Variants in BSN observed in about 807,000 individuals in gnomAD.
BSN encodes bassoon presynaptic cytomatrix protein.
BSN carries 57 observed loss-of-function variants against 264.8 expected under a neutral mutation model. The observed-to-expected ratio is 0.22, with a 90% confidence interval of 0.17 to 0.27. BSN has a LOEUF of 0.27. Ranked by LOEUF, BSN falls within the 10% of genes least tolerant of loss-of-function variation. The pLI is 1.00. For missense variants in BSN, 4,615 were observed against 5,232.5 expected, an observed-to-expected ratio of 0.88 and a Z score of 3.64; for synonymous variants, 2,059 against 2,137.3, an observed-to-expected ratio of 0.96 and a Z score of 1.01.
intron 1 of BSN, among the ~76,000 whole-genome samples, chr3:49,598,378 A>G (rs2052042070): frequency 6.6e-6 from 1 of 152,190 alleles, no homozygotes. Context: ...TTTTCCCTGA[A>G]GTGTGTAACT....
chr3:49,653,521 CCTT>C lies in BSN; in HGVS notation c.3968_3970del (p.Phe1323del). ...CCCACCCAGCTCGCTGCCCCTGTGT[CCTT>C]CTCTACCCCCACCTCCTCAGACAGC... On this transcript the variant is annotated inframe_deletion, in exon 5 of 12. Transcript: ENST00000296452. This position sits in a 1 kb window ranked among gnomAD's most constrained non-coding sequence, Gnocchi z 6.3. The C allele has an allele frequency of 1.2e-6, 2 of 1,613,952 alleles. No homozygotes were observed. The highest frequency in any genetic ancestry group is 4.5e-5 in the East Asian group (2 of 44,882).
intron 1 of BSN, among the ~76,000 whole-genome samples, chr3:49,571,113 A>C (rs185004387): frequency 1.3e-5 from 2 of 152,338 alleles, no homozygotes; most frequent in African/African-American, 4.8e-5. Context: ...TTTTGAAAAG[A>C]TAGTAACAGT....
At position 49,625,233 on chromosome 3, in the gene BSN, CG is replaced by C; in HGVS notation, c.484del (p.Ala162ProfsTer51). The C allele has an allele frequency of 6.3e-7, 1 of 1,589,808 alleles. No homozygotes were observed. Among genetic ancestry groups the C allele is most frequent in the Non-Finnish European group, 8.6e-7 (1 of 1,168,816 alleles). ...PTSPYSVPQI[A>X]PLPSSTLCPI... ...CATCACCCTACTCCGTCCCTCAGATCGCCCCCCTTCCCAGCAGCACGCTGTG... is the reference window on the plus strand; with the variant it reads ...CATCACCCTACTCCGTCCCTCAGATCCCCCCCTTCCCAGCAGCACGCTGTG... On this transcript the variant is annotated frameshift_variant, in exon 2 of 12. Transcript: ENST00000296452. LOFTEE classifies it high-confidence loss of function. This position sits in a 1 kb window ranked among gnomAD's most constrained non-coding sequence, Gnocchi z 4.4.
At chr3:49,604,409 G>A (rs2052095051) in intron 1 of BSN, among the ~76,000 whole-genome samples, 1 of 152,034 alleles carries the variant, frequency 6.6e-6, no homozygotes, top group South Asian at 2.1e-4. Flanking sequence ...TACTGTTTTA[G>A]TTTCTATCTC....
chr3:49,615,802 C>T (rs531526787), intron 1 of BSN, among the ~76,000 whole-genome samples: 2 of 152,310 alleles, frequency 1.3e-5, no homozygotes, highest in East Asian at 3.9e-4. Flanking sequence ...GACCTAAGTA[C>T]ACTTTCCATG....
chr3:49,596,891 T>G (rs1177264296), intron 1 of BSN, among the ~76,000 whole-genome samples: 3 of 152,202 alleles, frequency 2.0e-5, no homozygotes, highest in Non-Finnish European at 4.4e-5. Context: ...ACTTTTTCTG[T>G]GTCAGTTGAT....
intron 6 of BSN, 122 bp downstream of exon 6, chr3:49,662,684 C>T: frequency 7.3e-7 from 1 of 1,368,126 alleles, no homozygotes; most frequent in Non-Finnish European, 9.5e-7. Flanking sequence ...CTGGTGGGCC[C>T]TGCTGCAGGC....
In BSN at chr3:49,662,337, C is replaced by G; in HGVS notation, c.10492C>G (p.Arg3498Gly). 3 of 1,613,544 alleles carry G rather than the reference C, an allele frequency of 1.9e-6. No homozygotes were observed. The highest frequency in any genetic ancestry group is 1.7e-4 in the Middle Eastern group (1 of 6,048). The change falls in exon 6 of 12, where the codon CGG becomes GGG. Residue 3498 changes from arginine to glycine, a missense_variant. Coordinates refer to ENST00000296452, the MANE Select transcript of BSN (RefSeq NM_003458.4). ...MAHSRVRPPMRSQASEEESPV... is the reference protein window; with the variant it reads ...MAHSRVRPPMGSQASEEESPV... Reference sequence around the variant, plus strand: ...CCACAGCCGGGTACGACCCCCCATGCGGAGCCAGGCCTCTGAAGAGGAGAG... The same window carrying G: ...CCACAGCCGGGTACGACCCCCCATGGGGAGCCAGGCCTCTGAAGAGGAGAG...
chr3:49,579,963 A>G (rs2051882457), intron 1 of BSN, among the ~76,000 whole-genome samples: 1 of 152,150 alleles, frequency 6.6e-6, no homozygotes, highest in South Asian at 2.1e-4. Flanking sequence ...TGGTTATTAT[A>G]TTAAATCCTT....
chr3:49,568,531 A>G (rs1398172650), intron 1 of BSN, among the ~76,000 whole-genome samples: 1 of 152,172 alleles, frequency 6.6e-6, no homozygotes, highest in Non-Finnish European at 1.5e-5. Flanking sequence ...ATATTTGTTT[A>G]CCTTTCTTTT....
intron 1 of BSN, among the ~76,000 whole-genome samples, chr3:49,555,282 A>G (rs1179525973): frequency 6.6e-6 from 1 of 152,236 alleles, no homozygotes; most frequent in African/African-American, 2.4e-5. Context: ...CGAGGAACAG[A>G]GAGATGAAAA....
Position 49,670,843 on chromosome 3 carries a change from T to C in BSN, c.*3358T>C, listed in dbSNP as rs1424839147. 6.6e-6 allele frequency: 1 copy of C among 152,280 alleles called. No homozygotes were observed. Among genetic ancestry groups the C allele is most frequent in the Non-Finnish European group, 1.5e-5 (1 of 68,060 alleles). 9.4% of individuals were successfully genotyped at this position (152,280 alleles called of 1,614,324 possible). On this transcript the variant is annotated 3_prime_UTR_variant, in exon 12 of 12. Coordinates refer to ENST00000296452, the MANE Select transcript of BSN (RefSeq NM_003458.4). ...GTGAAAGAACAGCAGTGGTGGCAAC[T>C]ATGCCTTGCCTTCTGGAGCCTGTAG... is the stretch of plus-strand genomic sequence containing the variant.
chr3:49,610,598 A>AAC (rs1259200817), intron 1 of BSN, among the ~76,000 whole-genome samples: 1 of 151,570 alleles, frequency 6.6e-6, no homozygotes, highest in African/African-American at 2.4e-5. Flanking sequence ...AAAAAAAAAA[A>AAC]AAAAAAAACA....
At chr3:49,629,992 G>A (rs185769916) in intron 2 of BSN, among the ~76,000 whole-genome samples, 33 of 152,344 alleles carry the variant, frequency 2.2e-4, no homozygotes, top group Non-Finnish European at 4.0e-4. Context: ...GGTGGGCGGC[G>A]TGGAGAAGGG....
chr3:49,555,324 C>T (rs1292872806), intron 1 of BSN, among the ~76,000 whole-genome samples: 1 of 152,160 alleles, frequency 6.6e-6, no homozygotes, highest in African/African-American at 2.4e-5. Flanking sequence ...CTTGGGCTTT[C>T]CTTGGGCATT....
Position 49,653,847 on chromosome 3 carries a change from C to A in BSN, c.4291C>A (p.Gln1431Lys). The A allele has an allele frequency of 6.2e-7, 1 of 1,614,140 alleles. No individual in the cohort carries two copies. Among genetic ancestry groups the A allele is most frequent in the East Asian group, 2.2e-5 (1 of 44,876 alleles). The change falls in exon 5 of 12, where the codon CAA becomes AAA. Residue 1431 changes from glutamine to lysine, a missense_variant. This residue lies in a region of BSN where 3,415 missense variants were observed against 3,866.4 expected (regional missense o/e 0.88). Coordinates refer to ENST00000296452, the MANE Select transcript of BSN (RefSeq NM_003458.4). This position sits in a 1 kb window ranked among gnomAD's most constrained non-coding sequence, Gnocchi z 6.3. ...HSPTTANYGS[Q>K]TEDLPQAPSG... ...CCCAACCACTGCAAACTATGGGTCC[C>A]AAACTGAGGATCTACCCCAGGCCCC...
In BSN at chr3:49,656,697, G is replaced by C. The variant is rs994982006; in HGVS notation, c.7141G>C (p.Glu2381Gln). 14 of 1,588,306 alleles carry C rather than the reference G, an allele frequency of 8.8e-6. No homozygotes were observed. The highest frequency in any genetic ancestry group is 1.2e-5 in the Non-Finnish European group (14 of 1,167,024). Residue 2381 changes from glutamate (E) to glutamine (Q), a missense_variant, in exon 5 of 12, where the codon GAG becomes CAG. Glu to Gln is a conservative substitution (Grantham distance 29). Transcript: ENST00000296452. Reference protein sequence around the residue: ...QLLQLERERVELEKLRQLRLQ... With the variant: ...QLLQLERERVQLEKLRQLRLQ... The stretch of plus-strand genomic sequence containing the variant: ...GCTCCAGCTAGAGCGGGAGCGGGTG[G>C]AGTTGGAGAAGCTGCGACAACTTCG...
chr3:49,605,620 A>T (rs866995048), intron 1 of BSN, among the ~76,000 whole-genome samples: 9 of 9,954 alleles, frequency 9.0e-4, no homozygotes, highest in Admixed American at 2.6e-3. Context: ...ATTATATATA[A>T]ATATAATATA....
intron 1 of BSN, among the ~76,000 whole-genome samples, chr3:49,598,625 T>C (rs966393026): frequency 3.3e-5 from 5 of 152,190 alleles, no homozygotes; most frequent in African/African-American, 9.7e-5. Flanking sequence ...AGGGTCTCAC[T>C]ATTTTGCCCA....
Sources: gnomAD v4.1 joint callset for allele counts (sites outside exome capture counted in the v4.1 genomes callset) on GRCh38, gnomAD v4.1.1 for gene constraint, gnomAD v4.1.1 regional missense constraint, Gnocchi (gnomAD v3.1) non-coding constraint, MANE v1.5 for transcripts, NCBI Gene and HGNC (gene_info 2026-07-23, HGNC 2026-07-21) for gene names.